CKB: variants seen among roughly 807,000 people sequenced by gnomAD.
CKB encodes creatine kinase B.
CKB carries 15 observed loss-of-function variants against 36.9 expected under a neutral mutation model. The observed-to-expected ratio is 0.41, with a 90% CI of 0.27 to 0.63. CKB has a LOEUF of 0.63. Ranked by LOEUF, CKB falls within the 20% of genes least tolerant of loss-of-function variation. CKB has a pLI of 0.34. For synonymous variants in CKB, 250 were observed against 228.2 expected (o/e 1.10, Z -0.86); for missense variants, 413 against 534.9 (o/e 0.77, Z 2.25).
intron 4 of CKB, 125 bp from the exon 5 acceptor site, chr14:103,521,559 G>C (rs983535914): frequency 9.6e-6 from 10 of 1,045,164 alleles, no homozygotes; most frequent in Admixed American, 4.1e-5. Context: ...CGGATCTGCG[G>C]GCGTCCAGTC....
chr14:103,522,445 C>G lies in CKB; in HGVS notation c.49G>C (p.Glu17Gln), dbSNP rs1359386259. Reference sequence around the variant, plus strand: ...GCGCTCAGGTCGGGGAACTCGTCCTCGGCCGGGAAGCGCAGCTTCAGTGCG... The same window carrying G: ...GCGCTCAGGTCGGGGAACTCGTCCTGGGCCGGGAAGCGCAGCTTCAGTGCG... ...HNALKLRFPA[E>Q]DEFPDLSAHN... The change falls in exon 2 of 8, where the codon GAG (glutamate) becomes CAG (glutamine). Residue 17 changes from glutamate to glutamine, a missense_variant. Transcript: ENST00000348956. This position sits in a 1 kb window ranked among gnomAD's most constrained non-coding sequence, Gnocchi z 6.7. The G allele has an allele frequency of 1.2e-6, 2 of 1,609,580 alleles. No homozygotes were observed. Among genetic ancestry groups the G allele is most frequent in the African/African-American group, 1.3e-5 (1 of 74,244 alleles).
At position 103,522,010 on chromosome 14, in the gene CKB, C is replaced by A; in HGVS notation, c.348+13G>T. The stretch of plus-strand genomic sequence containing the variant: ...CCCGGCCCCGCCCGCCCGGCCCGCC[C>A]GCAGCCCCGCACCTGCAGGTTGTCG... On this transcript the variant is annotated intron_variant, in intron 3 of 7. Coordinates refer to ENST00000348956, the MANE Select transcript of CKB (RefSeq NM_001823.5). The surrounding 1 kb of genome is among the most constrained non-coding windows in gnomAD (Gnocchi z 6.7). 1 of 1,535,310 alleles carries A rather than the reference C, an allele frequency of 6.5e-7. No individual in the cohort carries two copies. The highest frequency in any genetic ancestry group is 8.8e-7 in the Non-Finnish European group (1 of 1,136,342).
intron 3 of CKB, 34 bp downstream of exon 3, chr14:103,521,989 G>C: frequency 6.5e-7 from 1 of 1,542,800 alleles, no homozygotes. Context: ...GAAGACCCCG[G>C]CCCCGCCCGC....
rs1300454414 is a variant in CKB, at chr14:103,521,789, C to T, written c.481+29G>A. Reference sequence around the variant, plus strand: ...CGCGCCGGGAGGGGGACGCGGCCGCCGCCGCCCCTCGGCCCGCCCGGCCCC... The same window carrying T: ...CGCGCCGGGAGGGGGACGCGGCCGCTGCCGCCCCTCGGCCCGCCCGGCCCC... On this transcript the variant is annotated intron_variant, in intron 4 of 7. Transcript: ENST00000348956. 2.2e-6 allele frequency: 3 copies of T among 1,363,292 alleles called. No individual in the cohort carries two copies. In the African/African-American group the frequency reaches 4.6e-5, roughly 21 times the overall value. 84.4% of individuals were successfully genotyped at this position (1,363,292 alleles called of 1,614,324 possible).
chr14:103,522,014 GC>G lies in CKB; in HGVS notation c.348+8del. The stretch of plus-strand genomic sequence containing the variant: ...GCCCCGCCCGCCCGGCCCGCCCGCA[GC>G]CCCGCACCTGCAGGTTGTCGGGGTT... On this transcript the variant is annotated splice_region_variant and intron_variant, in intron 3 of 7. Coordinates refer to ENST00000348956, the MANE Select transcript of CKB (RefSeq NM_001823.5). The surrounding 1 kb of genome is among the most constrained non-coding windows in gnomAD (Gnocchi z 6.7). 7.1e-7 allele frequency: 1 copy of G among 1,406,020 alleles called. No individual in the cohort carries two copies. The highest frequency in any genetic ancestry group is 9.6e-7 in the Non-Finnish European group (1 of 1,037,194). 87.1% of individuals were successfully genotyped at this position (1,406,020 alleles called of 1,614,324 possible). A position where few individuals can be genotyped will look rare whatever the true frequency, so the allele number is the denominator to read the frequency against.
chr14:103,520,287 C>A lies in CKB; in HGVS notation c.802G>T (p.Asp268Tyr), dbSNP rs770230629. 9 of 1,610,810 alleles carry A rather than the reference C, an allele frequency of 5.6e-6. No individual in the cohort carries two copies. The highest frequency in any genetic ancestry group is 1.3e-5 in the African/African-American group (1 of 74,762). The change falls in exon 7 of 8, where the codon GAC becomes TAC. Residue 268 changes from aspartate to tyrosine, a missense_variant. This residue lies in a region of CKB where 314 missense variants were observed against 409.4 expected (regional missense o/e 0.77). Transcript: ENST00000348956. ...TQIETLFKSK[D>Y]YEFMWNPHLG... ...TGAGGGTTCCACATGAACTCATAGTCCTTAGACTTGAAGAGAGTTTCAATC... is the reference window on the plus strand; with the variant it reads ...TGAGGGTTCCACATGAACTCATAGTACTTAGACTTGAAGAGAGTTTCAATC...
In CKB at chr14:103,522,807, G is replaced by A. The variant is rs1378131305; in HGVS notation, c.-54C>T. The A allele has an allele frequency of 1.3e-5, 2 of 151,096 alleles. No individual in the cohort carries two copies. Among genetic ancestry groups the A allele is most frequent in the East Asian group, 3.9e-4 (2 of 5,120 alleles). The allele number at this position is 151,096 out of a possible 1,614,324, so 9.4% of individuals were successfully genotyped here. On this transcript the variant is annotated 5_prime_UTR_variant, in exon 1 of 8. Coordinates refer to ENST00000348956, the MANE Select transcript of CKB (RefSeq NM_001823.5). The surrounding 1 kb of genome is among the most constrained non-coding windows in gnomAD (Gnocchi z 6.7). ...GGCGGGGGCGCTCCGTCCGTCGGCA[G>A]CTCCCGGAGCGACGCAGGCGAACAG...
intron 5 of CKB, 75 bp from the exon 6 acceptor site, chr14:103,520,667 G>A (rs1324947478): frequency 3.1e-5 from 47 of 1,509,210 alleles, no homozygotes; most frequent in Non-Finnish European, 1.8e-6. Flanking sequence ...AACTTCCCAA[G>A]TCCCTGAGGT....
At position 103,521,431 on chromosome 14, in the gene CKB, A is replaced by C; in HGVS notation, c.485T>G (p.Leu162Arg). Residue 162 changes from leucine (L) to arginine (R), a missense_variant, in exon 5 of 8, where the codon CTG becomes CGG. Leu to Arg is a moderately radical substitution (Grantham distance 102). Coordinates refer to ENST00000348956, the MANE Select transcript of CKB (RefSeq NM_001823.5). ...CGCCAGGTCGCCGTCCAGGCTGGAC[A>C]GGGCTGCGAGGGGTGCGCTCAGGAC... is the stretch of plus-strand genomic sequence containing the variant. ...RAIEKLAVEALSSLDGDLAGR... is the reference protein window; with the variant it reads ...RAIEKLAVEARSSLDGDLAGR... The C allele has an allele frequency of 6.3e-7, 1 of 1,590,268 alleles. No individual in the cohort carries two copies. The highest frequency in any genetic ancestry group is 8.5e-7 in the Non-Finnish European group (1 of 1,175,032).
At chr14:103,520,839 C>T (rs1286314836) in intron 5 of CKB, 2 of 532,746 alleles carry the variant, frequency 3.8e-6, no homozygotes, top group Non-Finnish European at 6.6e-6. Flanking sequence ...CAGGACAGCC[C>T]GACCCGCCCC....
At position 103,522,448 on chromosome 14, in the gene CKB, C is replaced by A. The variant is rs746431018; in HGVS notation, c.46G>T (p.Ala16Ser). Residue 16 changes from alanine (A) to serine (S), a missense_variant, in exon 2 of 8, where the codon GCC (alanine) becomes TCC (serine). Coordinates refer to ENST00000348956, the MANE Select transcript of CKB (RefSeq NM_001823.5). This position sits in a 1 kb window ranked among gnomAD's most constrained non-coding sequence, Gnocchi z 6.7. Reference protein sequence around the residue: ...SHNALKLRFPAEDEFPDLSAH... With the variant: ...SHNALKLRFPSEDEFPDLSAH... ...CTCAGGTCGGGGAACTCGTCCTCGG[C>A]CGGGAAGCGCAGCTTCAGTGCGTTG... The A allele has an allele frequency of 6.2e-7, 1 of 1,609,312 alleles. No homozygotes were observed. Among genetic ancestry groups the A allele is most frequent in the South Asian group, 1.1e-5 (1 of 90,868 alleles).
rs1356101717 is a variant in CKB, at chr14:103,522,392, C to T, written c.102G>A (p.Leu34=). 1.3e-5 allele frequency: 21 copies of T among 1,610,848 alleles called. No individual in the cohort carries two copies. The highest frequency in any genetic ancestry group is 3.4e-5 in the Admixed American group (2 of 59,566). ...GCAGCTCCGCGTACAGCTCGGGGGT[C>T]AGCACCTTGGCCATGTGGTTGTTGT... ...SAHNNHMAKV[L]TPELYAELRA... The change falls in exon 2 of 8, where the codon CTG becomes CTA. Residue 34 remains leucine (L), a synonymous_variant. Transcript: ENST00000348956. This position sits in a 1 kb window ranked among gnomAD's most constrained non-coding sequence, Gnocchi z 6.7.
rs201488531 is a variant in CKB, at chr14:103,520,579, T to C, written c.667A>G (p.Lys223Glu). ...DARGIWHNDN[K>E]TFLVWVNEED... ...TCGTTGACCCACACCAGGAAGGTCT[T>C]ATTGTCATTGTGCCTGCGGGAGGGC... The change falls in exon 6 of 8, where the codon AAG becomes GAG. Residue 223 changes from lysine (K) to glutamate (E), a missense_variant. Physicochemically the swap from Lys to Glu is moderately conservative, Grantham distance 56. Around this residue, in one of 3 missense-constraint regions of CKB, gnomAD observed 314 missense variants for 409.4 expected, o/e 0.77. Coordinates refer to ENST00000348956, the MANE Select transcript of CKB (RefSeq NM_001823.5). The C allele has an allele frequency of 1.2e-6, 2 of 1,612,770 alleles. No homozygotes were observed. Among genetic ancestry groups the C allele is most frequent in the African/African-American group, 1.3e-5 (1 of 75,028 alleles).
chr14:103,521,710 G>C (rs1002224019), intron 4 of CKB, 108 bp downstream of exon 4: 9 of 1,225,400 alleles, frequency 7.3e-6, no homozygotes, highest in Non-Finnish European at 8.4e-6. Context: ...GCGCAGATAA[G>C]AGCGCGACGG....
At chr14:103,521,472 C>T (rs2075900793) in intron 4 of CKB, 38 bp from the exon 5 acceptor site, 1 of 1,477,374 alleles carries the variant, frequency 6.8e-7, no homozygotes, top group Non-Finnish European at 8.9e-7. Context: ...GCTCCCGCGC[C>T]CGCCCCTCCA....
rs1049798482 is a variant in CKB at position 103,519,775 on chromosome 14, C to T, written c.*89G>A. 4.0e-5 allele frequency: 59 copies of T among 1,459,588 alleles called. No homozygotes were observed. The highest frequency in any genetic ancestry group is 5.0e-5 in the Non-Finnish European group (55 of 1,090,794). The allele number at this position is 1,459,588 out of a possible 1,614,324, so 90.4% of individuals were successfully genotyped here. On this transcript the variant is annotated 3_prime_UTR_variant, in exon 8 of 8. Transcript: ENST00000348956. ...CTCTACAGCAAGGCTAAGGGCTCGCCAGACGGCGAACATCAGGGGTGCATG... is the reference window on the plus strand; with the variant it reads ...CTCTACAGCAAGGCTAAGGGCTCGCTAGACGGCGAACATCAGGGGTGCATG...
At chr14:103,521,667 C>T (rs1009511346) in intron 4 of CKB, 151 bp downstream of exon 4, 1 of 1,050,214 alleles carries the variant, frequency 9.5e-7, no homozygotes, top group Non-Finnish European at 1.3e-6. Flanking sequence ...GGCCTCCGTC[C>T]CTCGGTCCCT....
chr14:103,520,500 A>G lies in CKB; in HGVS notation c.746T>C (p.Val249Ala), dbSNP rs761370221. The change falls in exon 6 of 8, where the codon GTG becomes GCG. Residue 249 changes from valine to alanine, a missense_variant. Val to Ala is a moderately conservative substitution (Grantham distance 64, BLOSUM62 0). Coordinates refer to ENST00000348956, the MANE Select transcript of CKB (RefSeq NM_001823.5). ...GAGGCCGGTGCAGAAGCGGGTGAAC[A>G]CCTCCTTCATGTTGCCCCCCTTCTG... ...SMQKGGNMKE[V>A]FTRFCTGLTQ... 1.9e-6 allele frequency: 3 copies of G among 1,607,594 alleles called. No homozygotes were observed. The highest frequency in any genetic ancestry group is 2.5e-6 in the Non-Finnish European group (3 of 1,177,162).
Position 103,519,710 on chromosome 14 carries a change from A to G in CKB, c.*154T>C. 2 of 802,968 alleles carry G rather than the reference A, an allele frequency of 2.5e-6. No individual in the cohort carries two copies. The highest frequency in any genetic ancestry group is 1.9e-6 in the Non-Finnish European group (1 of 526,716). The allele number at this position is 802,968 out of a possible 1,614,324, so 49.7% of individuals were successfully genotyped here. Reference sequence around the variant, plus strand: ...TTTATTTCAGCATCAGCAGTATCTTAGCCATCAAAAAAATAAACTCTACCA... The same window carrying G: ...TTTATTTCAGCATCAGCAGTATCTTGGCCATCAAAAAAATAAACTCTACCA... On this transcript the variant is annotated 3_prime_UTR_variant, in exon 8 of 8. Transcript: ENST00000348956.
Sources: allele counts gnomAD v4.1 joint callset, GRCh38; gene constraint gnomAD v4.1.1; regional missense constraint gnomAD v4.1.1; non-coding constraint Gnocchi (gnomAD v3.1); transcripts MANE v1.5; gene names NCBI Gene and HGNC (gene_info 2026-07-23, HGNC 2026-07-21).